Variants in SLC17A1 observed in about 807,000 individuals in gnomAD.
SLC17A1 encodes the protein sodium-dependent phosphate transport protein 1.
SLC17A1 carries 51 observed loss-of-function variants against 53.5 expected under a neutral mutation model. The observed-to-expected ratio is 0.95, with a 90% CI of 0.76 to 1.20. The LOEUF (loss-of-function observed/expected upper bound fraction) is 1.20. SLC17A1 is among the 50% of genes most tolerant of loss of function. SLC17A1 has a pLI of 0.00. For synonymous variants in SLC17A1, 179 were observed against 198.8 expected, an observed-to-expected ratio of 0.90 and a Z score of 0.84; for missense variants, 538 against 568.2, an observed-to-expected ratio of 0.95 and a Z score of 0.54.
At position 25,830,507 on chromosome 6, in the gene SLC17A1, A is replaced by G. The variant is rs1581507623; in HGVS notation, c.34+17T>C. 3 of 1,585,862 alleles carry G rather than the reference A, an allele frequency of 1.9e-6. No homozygotes were observed. The highest frequency in any genetic ancestry group is 2.6e-6 in the Non-Finnish European group (3 of 1,154,398). On this transcript the variant is annotated intron_variant, in intron 2 of 12. Coordinates refer to ENST00000244527, the MANE Select transcript of SLC17A1 (RefSeq NM_005074.5). ...AGAAAAAGAACACCTGTTTAATGGA[A>G]CAGAATAAAGTGCTACCTTTTTTGG...
intron 6 of SLC17A1, among the ~76,000 whole-genome samples, chr6:25,817,830 C>T (rs1404118452): frequency 6.6e-6 from 1 of 152,202 alleles, no homozygotes; most frequent in Non-Finnish European, 1.5e-5. Flanking sequence ...CAAGTTTTCT[C>T]TTCTTCAGGC....
At chr6:25,798,077 G>A (rs1192894341) in intron 12 of SLC17A1, among the ~76,000 whole-genome samples, 1 of 152,186 alleles carries the variant, frequency 6.6e-6, no homozygotes, top group East Asian at 1.9e-4. Context: ...TTCATCAGAA[G>A]GTATACAATG....
At chr6:25,747,726 T>C in the SLC17A1 span, among the ~76,000 whole-genome samples, 1 of 152,228 alleles carries the variant, frequency 6.6e-6, no homozygotes, top group Admixed American at 6.5e-5. Flanking sequence ...CACTAGAGGA[T>C]ACAACTCTTT....
chr6:25,749,925 A>C, the SLC17A1 span, among the ~76,000 whole-genome samples: 1 of 152,230 alleles, frequency 6.6e-6, no homozygotes, highest in Admixed American at 6.5e-5. Flanking sequence ...CCCAACATGA[A>C]GATGATGTGG....
the SLC17A1 span, among the ~76,000 whole-genome samples, chr6:25,776,356 T>C: frequency 6.6e-6 from 1 of 152,306 alleles, no homozygotes; most frequent in East Asian, 1.9e-4. Flanking sequence ...GTCTTTTAAA[T>C]ATTTATTTCC....
chr6:25,785,113 G>C (rs1763353106), intron 12 of SLC17A1, among the ~76,000 whole-genome samples: 1 of 151,958 alleles, frequency 6.6e-6, no homozygotes, highest in Admixed American at 6.6e-5. Flanking sequence ...CTTGCAATGA[G>C]CCATCCAAAA....
the SLC17A1 span, among the ~76,000 whole-genome samples, chr6:25,753,256 G>A: frequency 6.6e-6 from 1 of 152,154 alleles, no homozygotes; most frequent in African/African-American, 2.4e-5. Flanking sequence ...CATGGACAAG[G>A]CAGAACTAGT....
the SLC17A1 span, chr6:25,773,517 G>T: frequency 6.2e-7 from 1 of 1,613,704 alleles, no homozygotes; most frequent in African/African-American, 1.3e-5. Flanking sequence ...TTCCAGGACT[G>T]TTCACCAGGC....
At chr6:25,735,750 T>C in the SLC17A1 span, among the ~76,000 whole-genome samples, 25 of 152,222 alleles carry the variant, frequency 1.6e-4, no homozygotes, top group African/African-American at 6.0e-4. Flanking sequence ...TGTTTTATTG[T>C]ATGTTCTATT....
intron 1 of SLC17A1, 89 bp from the exon 2 acceptor site, chr6:25,830,696 C>T (rs1764915715): frequency 4.0e-6 from 3 of 759,310 alleles, no homozygotes; most frequent in Non-Finnish European, 6.6e-6. Context: ...TTTAAAACCG[C>T]TTCCAAGGAT....
At chr6:25,799,850 G>A (rs763437953) in intron 11 of SLC17A1, among the ~76,000 whole-genome samples, 1 of 152,166 alleles carries the variant, frequency 6.6e-6, no homozygotes, top group Non-Finnish European at 1.5e-5. Flanking sequence ...AACAGACCAT[G>A]GCCACCTGGT....
At chr6:25,731,206 G>A in the SLC17A1 span, among the ~76,000 whole-genome samples, 9 of 152,176 alleles carry the variant, frequency 5.9e-5, no homozygotes, top group Admixed American at 1.3e-4. Flanking sequence ...CAGTTCAAGG[G>A]GAGTTAGCCT....
chr6:25,741,342 G>A, the SLC17A1 span, among the ~76,000 whole-genome samples: 2 of 150,842 alleles, frequency 1.3e-5, no homozygotes, highest in Non-Finnish European at 2.9e-5. Context: ...GGCTAAGGTG[G>A]GTGTATCACT....
chr6:25,771,003 T>G, the SLC17A1 span: 1 of 1,613,536 alleles, frequency 6.2e-7, no homozygotes, highest in Non-Finnish European at 8.5e-7. Context: ...TTACGTCTTC[T>G]ATATCTTTGG....
the SLC17A1 span, among the ~76,000 whole-genome samples, chr6:25,738,584 A>G: frequency 6.6e-6 from 1 of 152,142 alleles, no homozygotes; most frequent in African/African-American, 2.4e-5. Flanking sequence ...GTCTCCGTGA[A>G]GAAAAAAACG....
intron 12 of SLC17A1, among the ~76,000 whole-genome samples, chr6:25,785,286 T>A (rs1214816517): frequency 4.6e-5 from 7 of 152,118 alleles, no homozygotes; most frequent in Non-Finnish European, 4.4e-5. Context: ...AACAAAATAC[T>A]ATTACCTCAC....
chr6:25,797,891 A>G (rs1228283917), intron 12 of SLC17A1, among the ~76,000 whole-genome samples: 3 of 152,056 alleles, frequency 2.0e-5, no homozygotes, highest in Non-Finnish European at 4.4e-5. Flanking sequence ...TTTATTAAAG[A>G]CCCTGAGCCT....
chr6:25,796,902 A>G (rs1424385454), intron 12 of SLC17A1, among the ~76,000 whole-genome samples: 2 of 152,180 alleles, frequency 1.3e-5, no homozygotes, highest in African/African-American at 4.8e-5. Context: ...CGCACAGATG[A>G]GATGCCAACC....
Position 25,812,946 on chromosome 6 carries a change from G to A in SLC17A1, c.782C>T (p.Ser261Leu), listed in dbSNP as rs780992302. ...QSLPIKAILK[S>L]LPVWAISTGS... ...AGTGGAAATAGCCCAGACTGGAAGCGACTTAAGTATAGCCTTGATAGGCAG... is the reference window on the plus strand; with the variant it reads ...AGTGGAAATAGCCCAGACTGGAAGCAACTTAAGTATAGCCTTGATAGGCAG... The change falls in exon 8 of 13, where the codon TCG (serine) becomes TTG (leucine). Residue 261 changes from serine to leucine, a missense_variant. Transcript: ENST00000244527. 3.7e-6 allele frequency: 6 copies of A among 1,613,950 alleles called. No individual in the cohort carries two copies. In the African/African-American group the frequency reaches 5.3e-5, roughly 14 times the overall value.
Sources: allele counts gnomAD v4.1 joint callset (sites outside exome capture counted in the v4.1 genomes callset), GRCh38; gene constraint gnomAD v4.1.1; transcripts MANE v1.5; gene names NCBI Gene and HGNC (gene_info 2026-07-23, HGNC 2026-07-21).